The following BICRA variants were observed in gnomAD, a reference collection of about 807,000 sequenced individuals.
BICRA encodes BRD4 interacting chromatin remodeling complex associated protein.
BICRA carries 31 observed loss-of-function variants against 96.9 expected under a neutral mutation model. The ratio of observed to expected loss-of-function variants is 0.32; its 90% CI spans 0.24 to 0.43. BICRA has a LOEUF of 0.43. Ranked by LOEUF, BICRA falls within the 20% of genes least tolerant of loss-of-function variation. The probability of loss-of-function intolerance (pLI) is 1.00; values close to 1 mark genes in which losing one functional copy is unlikely to be tolerated. For missense variants in BICRA, 2,283 were observed against 2,190.3 expected, an observed-to-expected ratio of 1.04 and a Z score of -0.84; for synonymous variants, 1,350 against 1,071.8, an observed-to-expected ratio of 1.26 and a Z score of -5.07.
intron 4 of BICRA, among the ~76,000 whole-genome samples, chr19:47,674,731 C>T (rs1250703418): frequency 2.0e-5 from 3 of 152,174 alleles, no homozygotes; most frequent in Middle Eastern, 3.2e-3. Context: ...TTCCTCACCA[C>T]GGGGGCCTCT....
At position 47,658,681 on chromosome 19, in the gene BICRA, C is replaced by T. The variant is rs138610122; in HGVS notation, c.-107-11762C>T. 3.8e-3 allele frequency among the ~76,000 whole-genome samples: 572 copies of T among 150,346 alleles called. 1 individual carries two copies. Among genetic ancestry groups the T allele is most frequent in the African/African-American group, 0.013 (546 of 40,676 alleles). On this transcript the variant is annotated intron_variant, in intron 1 of 14. Transcript: ENST00000594866. ...AGCAGCAGCTTCTAGAACAGTGGTT[C>T]GCAGAGTGTGGTCTGTGCCAGCAGC...
At chr19:47,636,511 C>A (rs1268582045) in intron 1 of BICRA, among the ~76,000 whole-genome samples, 1 of 152,116 alleles carries the variant, frequency 6.6e-6, no homozygotes, top group Non-Finnish European at 1.5e-5. Flanking sequence ...TGCGCCCAGC[C>A]TGTATTATTA....
In BICRA at chr19:47,699,262, C is replaced by A; in HGVS notation, c.3493-41C>A. The A allele has an allele frequency of 1.6e-6, 2 of 1,212,782 alleles. No homozygotes were observed. Among genetic ancestry groups the A allele is most frequent in the Non-Finnish European group, 2.4e-6 (2 of 837,500 alleles). 75.1% of individuals were successfully genotyped at this position (1,212,782 alleles called of 1,614,324 possible). On this transcript the variant is annotated intron_variant, in intron 13 of 14. Transcript: ENST00000594866. This position sits in a 1 kb window ranked among gnomAD's most constrained non-coding sequence, Gnocchi z 5.0. ...CCGTCGCTCGCGCCCCTTCCCCCTT[C>A]TTGCTGGTTCACTCGCACGTCGTCT... is the stretch of plus-strand genomic sequence containing the variant.
intron 1 of BICRA, among the ~76,000 whole-genome samples, chr19:47,637,841 C>T (rs987650460): frequency 1.3e-5 from 2 of 152,156 alleles, no homozygotes; most frequent in Non-Finnish European, 2.9e-5. Flanking sequence ...GTCATGTTTT[C>T]CAGGTCCACC....
chr19:47,619,331 C>A (rs962153915), intron 1 of BICRA, among the ~76,000 whole-genome samples: 1 of 151,094 alleles, frequency 6.6e-6, no homozygotes, highest in Admixed American at 6.6e-5. Context: ...TATCTCGGCT[C>A]GTTGCAACCT....
At chr19:47,608,480 C>T (rs1465183660), upstream of BICRA, 2 of 152,236 alleles carry the variant, frequency 1.3e-5, no homozygotes, top group African/African-American at 4.8e-5. Context: ...ACGCGTCCTC[C>T]CGCCGGACGA....
intron 1 of BICRA, among the ~76,000 whole-genome samples, chr19:47,618,503 C>G (rs987197964): frequency 6.6e-6 from 1 of 152,102 alleles, no homozygotes; most frequent in African/African-American, 2.4e-5. Context: ...TCTGTGTATA[C>G]TCTTGAGGTT....
Position 47,698,817 on chromosome 19 carries a change from C to G in BICRA, c.3397+35C>G, listed in dbSNP as rs1409648707. 1 of 1,538,338 alleles carries G rather than the reference C, an allele frequency of 6.5e-7. No homozygotes were observed. Among genetic ancestry groups the G allele is most frequent in the South Asian group, 1.2e-5 (1 of 85,580 alleles). ...CCCCAGGACACGGCCCTATATGTCC[C>G]AGGGGACCCCAGCCCGTGGGGCGGG... is the stretch of plus-strand genomic sequence containing the variant. On this transcript the variant is annotated intron_variant, in intron 12 of 14. Transcript: ENST00000594866. This position sits in a 1 kb window ranked among gnomAD's most constrained non-coding sequence, Gnocchi z 4.8.
At position 47,698,826 on chromosome 19, in the gene BICRA, C is replaced by T; in HGVS notation, c.3397+44C>T. 1.3e-6 allele frequency: 2 copies of T among 1,515,822 alleles called. No homozygotes were observed. Among genetic ancestry groups the T allele is most frequent in the Non-Finnish European group, 1.8e-6 (2 of 1,111,202 alleles). 93.9% of individuals were successfully genotyped at this position (1,515,822 alleles called of 1,614,324 possible). On this transcript the variant is annotated intron_variant, in intron 12 of 14. Coordinates refer to ENST00000594866, the MANE Select transcript of BICRA (RefSeq NM_001394372.1). This position sits in a 1 kb window ranked among gnomAD's most constrained non-coding sequence, Gnocchi z 4.8. ...ACGGCCCTATATGTCCCAGGGGACC[C>T]CAGCCCGTGGGGCGGGGCGTCGCCA...
chr19:47,615,158 A>G (rs543067246), intron 1 of BICRA, among the ~76,000 whole-genome samples: 1 of 152,196 alleles, frequency 6.6e-6, no homozygotes, highest in Admixed American at 6.5e-5. Context: ...GAGTTTTAAT[A>G]TTTTTGGTAA....
At chr19:47,665,420 C>G (rs1972763718) in intron 1 of BICRA, among the ~76,000 whole-genome samples, 1 of 152,172 alleles carries the variant, frequency 6.6e-6, no homozygotes, top group African/African-American at 2.4e-5. Context: ...AGGAGACACA[C>G]AGTAAACAAC....
At chr19:47,618,969 A>G (rs930561792) in intron 1 of BICRA, among the ~76,000 whole-genome samples, 4 of 152,128 alleles carry the variant, frequency 2.6e-5, no homozygotes, top group African/African-American at 9.7e-5. Flanking sequence ...TGGCTGTGAC[A>G]GTTAGCTGGA....
chr19:47,696,899 G>C (rs532117888), intron 11 of BICRA, among the ~76,000 whole-genome samples: 1 of 151,946 alleles, frequency 6.6e-6, no homozygotes, highest in East Asian at 1.9e-4. Flanking sequence ...GATGGGGGGG[G>C]TGTTTGGGGA....
rs1306744935 is a variant in BICRA, at chr19:47,622,317, G to A, written c.-108+13149G>A. On this transcript the variant is annotated intron_variant, in intron 1 of 14. Coordinates refer to ENST00000594866, the MANE Select transcript of BICRA (RefSeq NM_001394372.1). ...CCGCCATGTTGGCCAGGCTAGTCTC[G>A]AACTCCTGACCTCAGGTGATCCTCT... 4.0e-5 allele frequency among the ~76,000 whole-genome samples: 6 copies of A among 151,624 alleles called. No homozygotes were observed. The East Asian group carries it at 7.9e-4, about 20-fold the overall frequency.
At chr19:47,614,343 A>C (rs1971953268) in intron 1 of BICRA, among the ~76,000 whole-genome samples, 1 of 152,198 alleles carries the variant, frequency 6.6e-6, no homozygotes, top group African/African-American at 2.4e-5. Context: ...CAGGCCGGGC[A>C]TGGTGGCTCA....
At position 47,702,672 on chromosome 19, in the gene BICRA, C is replaced by A. The variant is rs927633446; in HGVS notation, c.*257C>A. 4.0e-6 allele frequency: 2 copies of A among 503,370 alleles called. No homozygotes were observed. Among genetic ancestry groups the A allele is most frequent in the African/African-American group, 4.1e-5 (2 of 48,818 alleles). 31.2% of individuals were successfully genotyped at this position (503,370 alleles called of 1,614,324 possible). On this transcript the variant is annotated 3_prime_UTR_variant, in exon 15 of 15. Coordinates refer to ENST00000594866, the MANE Select transcript of BICRA (RefSeq NM_001394372.1). ...GGAGGGGCAAAGTGCTGTGTCAGTT[C>A]CTGTTTCTTCCCATTTCCTGGCACA...
chr19:47,659,685 TACACACACACACACACACAC>T (rs10567798), intron 1 of BICRA, among the ~76,000 whole-genome samples: 504 of 132,508 alleles, frequency 3.8e-3, no homozygotes, highest in Non-Finnish European at 6.4e-3. Flanking sequence ...TGGTGGTGCA[TACACACACACACACACACAC>T]ACACACACAC....
intron 7 of BICRA, among the ~76,000 whole-genome samples, chr19:47,685,786 T>TGTGTGTGTGTGTGCGCGCGCGC: frequency 4.2e-5 from 5 of 117,970 alleles, no homozygotes; most frequent in East Asian, 3.5e-4. Context: ...TGTGTGTGTG[T>TGTGTGTGTGTGTGCGCGCGCGC]GCGCGCGCGC....
intron 1 of BICRA, among the ~76,000 whole-genome samples, chr19:47,656,131 T>A (rs1388106353): frequency 6.9e-5 from 10 of 144,102 alleles, no homozygotes; most frequent in Non-Finnish European, 1.1e-4. Flanking sequence ...ATAAGTAAAT[T>A]TTAGAATTAG....
Sources: allele counts gnomAD v4.1 joint callset (sites outside exome capture counted in the v4.1 genomes callset), GRCh38; gene constraint gnomAD v4.1.1; non-coding constraint Gnocchi (gnomAD v3.1); transcripts MANE v1.5; gene names NCBI Gene and HGNC (gene_info 2026-07-23, HGNC 2026-07-21).